Variants in OXCT1 observed in about 807,000 individuals in gnomAD.
OXCT1 encodes succinyl-CoA:3-ketoacid coenzyme A transferase 1, mitochondrial.
OXCT1 carries 27 observed loss-of-function variants against 69.6 expected under a neutral mutation model. That is an observed-to-expected ratio of 0.39 (90% CI 0.29 to 0.54). The LOEUF (loss-of-function observed/expected upper bound fraction) is 0.54. Ranked by LOEUF, OXCT1 falls within the 20% of genes least tolerant of loss-of-function variation. The pLI, the probability that OXCT1 is intolerant of heterozygous loss-of-function variation, is 0.72. For missense variants in OXCT1, 437 were observed against 650.2 expected, an observed-to-expected ratio of 0.67 and a Z score of 3.57; for synonymous variants, 202 against 217.8, an observed-to-expected ratio of 0.93 and a Z score of 0.64.
intron 7 of OXCT1, among the ~76,000 whole-genome samples, chr5:41,827,850 C>T (rs942297277): frequency 2.0e-5 from 3 of 152,254 alleles, no homozygotes; most frequent in East Asian, 3.9e-4. Flanking sequence ...AGTAATCAGC[C>T]TCACCATCCT....
At chr5:41,743,016 ATGGTATTTCTAATTCTAGATCC>A (rs1743259055) in intron 15 of OXCT1, among the ~76,000 whole-genome samples, 1 of 152,172 alleles carries the variant, frequency 6.6e-6, no homozygotes, top group Non-Finnish European at 1.5e-5. Flanking sequence ...GCTGGGTCAA[ATGGTATTTCTAATTCTAGATCC>A]TTGAGGAATC....
chr5:41,854,751 CATGAAGGG>C (rs1195902371), intron 3 of OXCT1, among the ~76,000 whole-genome samples: 6 of 151,852 alleles, frequency 4.0e-5, no homozygotes, highest in Admixed American at 6.6e-5. Flanking sequence ...CCACCACAAA[CATGAAGGG>C]ATGGCTAAAA....
intron 15 of OXCT1, among the ~76,000 whole-genome samples, chr5:41,743,655 T>G (rs1422628941): frequency 6.6e-6 from 1 of 152,234 alleles, no homozygotes; most frequent in African/African-American, 2.4e-5. Context: ...TTAATTTTTG[T>G]ATAAGGTGCA....
chr5:41,732,065 C>A (rs1038714073), intron 16 of OXCT1, among the ~76,000 whole-genome samples: 2 of 152,148 alleles, frequency 1.3e-5, no homozygotes, highest in African/African-American at 4.8e-5. Context: ...TCCCAATAAC[C>A]AAGCCCCCTG....
intron 7 of OXCT1, among the ~76,000 whole-genome samples, chr5:41,815,817 A>C (rs1325074002): frequency 6.6e-6 from 1 of 152,194 alleles, no homozygotes; most frequent in Non-Finnish European, 1.5e-5. Flanking sequence ...GTCATAGAGA[A>C]ACAGGAAGAG....
intron 13 of OXCT1, among the ~76,000 whole-genome samples, chr5:41,772,409 G>T (rs1379019994): frequency 6.6e-6 from 1 of 151,180 alleles, no homozygotes; most frequent in African/African-American, 2.4e-5. Context: ...TTAATAAATT[G>T]AAATCATTAC....
chr5:41,804,165 T>A (rs1348960768), intron 9 of OXCT1, among the ~76,000 whole-genome samples: 1 of 152,116 alleles, frequency 6.6e-6, no homozygotes, highest in East Asian at 1.9e-4. Flanking sequence ...GCTACTGGGT[T>A]TACCTCTAGT....
intron 4 of OXCT1, among the ~76,000 whole-genome samples, chr5:41,852,866 T>A (rs1749243177): frequency 6.6e-6 from 1 of 152,128 alleles, no homozygotes; most frequent in Non-Finnish European, 1.5e-5. Context: ...GAGACCAGCC[T>A]GGCCAACATG....
chr5:41,853,310 A>T (rs1024621156), intron 4 of OXCT1, 109 bp downstream of exon 4: 5 of 955,604 alleles, frequency 5.2e-6, no homozygotes, highest in Non-Finnish European at 6.5e-6. Context: ...CTGGTTTGGC[A>T]AAGTACTATT....
At chr5:41,859,381 A>G (rs1485179549) in intron 3 of OXCT1, among the ~76,000 whole-genome samples, 1 of 152,206 alleles carries the variant, frequency 6.6e-6, no homozygotes, top group Non-Finnish European at 1.5e-5. Flanking sequence ...TTGCTGTCAT[A>G]TCTCAAACTG....
At chr5:41,760,585 AAAAT>A (rs1473466080) in intron 14 of OXCT1, among the ~76,000 whole-genome samples, 1 of 152,152 alleles carries the variant, frequency 6.6e-6, no homozygotes, top group African/African-American at 2.4e-5. Context: ...AAAATAAACT[AAAAT>A]AAGTTGAACT....
intron 7 of OXCT1, among the ~76,000 whole-genome samples, chr5:41,829,798 G>A (rs1010928677): frequency 3.3e-5 from 5 of 152,018 alleles, no homozygotes; most frequent in Admixed American, 6.5e-5. Flanking sequence ...AAATATTAAC[G>A]TAACAGTAAT....
intron 1 of OXCT1, among the ~76,000 whole-genome samples, chr5:41,864,610 A>T (rs903123186): frequency 2.6e-5 from 4 of 152,232 alleles, no homozygotes; most frequent in Non-Finnish European, 5.9e-5. Context: ...AAAAGTGCAT[A>T]TATCTAATCC....
At chr5:41,775,354 T>C (rs1214246765) in intron 13 of OXCT1, among the ~76,000 whole-genome samples, 9 of 152,196 alleles carry the variant, frequency 5.9e-5, no homozygotes, top group Non-Finnish European at 7.4e-5. Context: ...TAACAGCTCA[T>C]AGGATTCAGG....
In OXCT1 at chr5:41,736,889, G is replaced by C. The variant is rs6869781; in HGVS notation, c.1521+2501C>G. Among the ~76,000 whole-genome samples the C allele has an allele frequency of 1.8e-3, 279 of 152,300 alleles. 1 individual carries two copies. The highest frequency in any genetic ancestry group is 6.3e-3 in the African/African-American group (261 of 41,588). On this transcript the variant is annotated intron_variant, in intron 16 of 16. Coordinates refer to ENST00000196371, the MANE Select transcript of OXCT1 (RefSeq NM_000436.4). ...TAGTCACATATGGAGTACAATGCTA[G>C]CTATGCAGTGATAACCACAGGGAAT...
At chr5:41,859,044 G>A (rs1328211406) in intron 3 of OXCT1, among the ~76,000 whole-genome samples, 1 of 152,096 alleles carries the variant, frequency 6.6e-6, no homozygotes, top group Non-Finnish European at 1.5e-5. Flanking sequence ...TCTGAGTAAC[G>A]AGATGAGCTA....
intron 7 of OXCT1, among the ~76,000 whole-genome samples, chr5:41,816,440 A>C (rs778755063): frequency 6.2e-4 from 94 of 152,312 alleles, no homozygotes; most frequent in Non-Finnish European, 1.1e-3. Context: ...TAGTACAAGT[A>C]GGGAGATGCA....
intron 13 of OXCT1, among the ~76,000 whole-genome samples, chr5:41,768,446 T>C (rs1320135250): frequency 1.3e-5 from 2 of 152,324 alleles, no homozygotes; most frequent in Middle Eastern, 3.4e-3. Context: ...ACTTCTGTTA[T>C]ATTAATACAT....
chr5:41,844,320 G>T (rs1208851580), intron 5 of OXCT1, among the ~76,000 whole-genome samples: 1 of 152,060 alleles, frequency 6.6e-6, no homozygotes, highest in Non-Finnish European at 1.5e-5. Flanking sequence ...AATTCTTAAA[G>T]TTGTCAATGA....
Sources: gnomAD v4.1 joint callset for allele counts (sites outside exome capture counted in the v4.1 genomes callset) on GRCh38, gnomAD v4.1.1 for gene constraint, MANE v1.5 for transcripts, NCBI Gene and HGNC (gene_info 2026-07-23, HGNC 2026-07-21) for gene names.